Variants in SH3BP4 observed in about 807,000 individuals in gnomAD.
SH3BP4 encodes SH3 domain-binding protein 4.
Under a neutral mutation model 65.5 loss-of-function variants are expected in SH3BP4, and 33 were observed. The ratio of observed to expected loss-of-function variants is 0.50; its 90% confidence interval spans 0.38 to 0.67. SH3BP4 has a LOEUF of 0.67. Among genes scored for constraint, SH3BP4 ranks in the 30% least tolerant of loss-of-function variants. The probability of loss-of-function intolerance (pLI) is 0.00; values close to 1 mark genes in which losing one functional copy is unlikely to be tolerated. For synonymous variants in SH3BP4, 552 were observed against 545.5 expected (o/e 1.01, Z -0.17); for missense variants, 1,134 against 1,261.4 (o/e 0.90, Z 1.53).
At chr2:234,963,471 C>A (rs1184826714) in intron 1 of SH3BP4, among the ~76,000 whole-genome samples, 1 of 152,188 alleles carries the variant, frequency 6.6e-6, no homozygotes, top group Admixed American at 6.5e-5. Flanking sequence ...TTGTTCCCAT[C>A]CTTTTTGGGG....
At chr2:235,044,270 A>G (rs939902045) in intron 4 of SH3BP4, among the ~76,000 whole-genome samples, 4 of 152,258 alleles carry the variant, frequency 2.6e-5, no homozygotes, top group East Asian at 3.9e-4. Context: ...AAAAGGGGGA[A>G]GTAAGCATCA....
At chr2:234,971,877 C>T (rs150433339) in intron 1 of SH3BP4, among the ~76,000 whole-genome samples, 3,527 of 151,846 alleles carry the variant, frequency 0.023, 118 homozygotes, top group African/African-American at 0.08. Flanking sequence ...AGTGCAATGG[C>T]GTGATTTTGG....
At chr2:235,038,264 A>AG (rs1695461480) in intron 3 of SH3BP4, among the ~76,000 whole-genome samples, 2 of 31,202 alleles carry the variant, frequency 6.4e-5, no homozygotes, top group East Asian at 9.2e-3. Context: ...TATAATATAT[A>AG]TTATATATAA....
chr2:234,981,089 C>T (rs1693368418), intron 1 of SH3BP4, among the ~76,000 whole-genome samples: 1 of 152,192 alleles, frequency 6.6e-6, no homozygotes, highest in Non-Finnish European at 1.5e-5. Context: ...ATTGCAGACA[C>T]TGCATCCCGG....
intron 1 of SH3BP4, among the ~76,000 whole-genome samples, chr2:234,969,407 G>C (rs75930353): frequency 3.0e-3 from 463 of 152,274 alleles, no homozygotes; most frequent in Non-Finnish European, 4.7e-3. Flanking sequence ...CCCAGTGTGT[G>C]CTGGCTCTGA....
rs368190655 is a variant in SH3BP4, at chr2:235,045,544, C to T, written c.2478+2297C>T. ...AGGAGGAAGTGAAACTTGCCCTTGGCCAGGTCGGCTCCCTGAGGCAAGGTT... is the reference window on the plus strand; with the variant it reads ...AGGAGGAAGTGAAACTTGCCCTTGGTCAGGTCGGCTCCCTGAGGCAAGGTT... On this transcript the variant is annotated intron_variant, in intron 4 of 5. Coordinates refer to ENST00000392011, the MANE Select transcript of SH3BP4 (RefSeq NM_014521.3). This position sits in a 1 kb window ranked among gnomAD's most constrained non-coding sequence, Gnocchi z 4.3. Among the ~76,000 whole-genome samples the T allele has an allele frequency of 1.1e-3, 164 of 152,150 alleles. 2 individuals carry two copies. In the South Asian group the frequency reaches 0.011, roughly 10 times the overall value.
In SH3BP4 at chr2:235,043,238, G is replaced by A. The variant is rs1405480342; in HGVS notation, c.2469G>A (p.Glu823=). 6.4e-7 allele frequency: 1 copy of A among 1,568,946 alleles called. No individual in the cohort carries two copies. Reference sequence around the variant, plus strand: ...AAGAACGGAAGTCCTTCCAGAAGGAGCTTGTGATGGTGAGTGCTCAGCAGG... The same window carrying A: ...AAGAACGGAAGTCCTTCCAGAAGGAACTTGTGATGGTGAGTGCTCAGCAGG... ...ENKERKSFQK[E]LVMALLKMDC... is the part of the protein sequence containing the mutation. Residue 823 remains glutamate, a synonymous_variant, in exon 4 of 6, where the codon GAG becomes GAA. Coordinates refer to ENST00000392011, the MANE Select transcript of SH3BP4 (RefSeq NM_014521.3).
chr2:235,055,284 C>G lies in SH3BP4; in HGVS notation c.*1468C>G, dbSNP rs1211018008. ...ACTGCTTTCTTGAAACATGTTACTT[C>G]CTTAGTATAATCAATGTATACTCCC... On this transcript the variant is annotated 3_prime_UTR_variant, in exon 6 of 6. Coordinates refer to ENST00000392011, the MANE Select transcript of SH3BP4 (RefSeq NM_014521.3). 1 of 152,414 alleles carries G rather than the reference C, an allele frequency of 6.6e-6. No individual in the cohort carries two copies. Among genetic ancestry groups the G allele is most frequent in the African/African-American group, 2.4e-5 (1 of 41,442 alleles). 9.4% of individuals were successfully genotyped at this position (152,414 alleles called of 1,614,324 possible). A position where few individuals can be genotyped will look rare whatever the true frequency, so the allele number is the denominator to read the frequency against.
chr2:235,028,630 T>C (rs13414658), intron 2 of SH3BP4, among the ~76,000 whole-genome samples: 51,755 of 151,988 alleles, frequency 0.34, 10,152 homozygotes, highest in African/African-American at 0.54. Flanking sequence ...ACAGATGGTC[T>C]TATGTCCTGG....
At chr2:234,989,797 A>C (rs1693693687) in intron 1 of SH3BP4, among the ~76,000 whole-genome samples, 2 of 152,136 alleles carry the variant, frequency 1.3e-5, no homozygotes, top group South Asian at 4.1e-4. Context: ...TTCTTTGTTC[A>C]TGGGCCATAC....
At position 235,044,208 on chromosome 2, in the gene SH3BP4, G is replaced by A. The variant is rs557689730; in HGVS notation, c.2478+961G>A. On this transcript the variant is annotated intron_variant, in intron 4 of 5. Transcript: ENST00000392011. ...CCTCTGTGTTGGTTTGAGTTGGGGC[G>A]AGGACAGCATTTGTTTTGCCAGCAC... Among the ~76,000 whole-genome samples the A allele has an allele frequency of 4.0e-4, 61 of 152,328 alleles. No individual in the cohort carries two copies. In the Middle Eastern group the frequency reaches 0.02, roughly 51 times the overall value.
At position 235,046,875 on chromosome 2, in the gene SH3BP4, G is replaced by A. The variant is rs529716990; in HGVS notation, c.2478+3628G>A. Among the ~76,000 whole-genome samples, 3 of 152,154 alleles carry A rather than the reference G, an allele frequency of 2.0e-5. No homozygotes were observed. The highest frequency in any genetic ancestry group is 1.9e-4 in the East Asian group (1 of 5,156). ...CATTTCCTCTTTCCATTCTTTTTGTGCCTGTTTTTGATAGAGTCCGTGTGT... is the reference window on the plus strand; with the variant it reads ...CATTTCCTCTTTCCATTCTTTTTGTACCTGTTTTTGATAGAGTCCGTGTGT... On this transcript the variant is annotated intron_variant, in intron 4 of 5. Coordinates refer to ENST00000392011, the MANE Select transcript of SH3BP4 (RefSeq NM_014521.3). The surrounding 1 kb of genome is among the most constrained non-coding windows in gnomAD (Gnocchi z 4.2).
intron 1 of SH3BP4, among the ~76,000 whole-genome samples, chr2:234,980,923 T>C (rs1176581733): frequency 6.6e-6 from 1 of 152,188 alleles, no homozygotes; most frequent in Non-Finnish European, 1.5e-5. Flanking sequence ...AGGGTCTCAC[T>C]GTGTCGCCCA....
Position 235,041,291 on chromosome 2 carries a change from C to A in SH3BP4, c.522C>A (p.Asn174Lys). Residue 174 changes from asparagine to lysine, a missense_variant, in exon 4 of 6, where the codon AAC becomes AAA. Asn to Lys is a moderately conservative substitution (Grantham distance 94). Transcript: ENST00000392011. This position sits in a 1 kb window ranked among gnomAD's most constrained non-coding sequence, Gnocchi z 6.0. ...GVQTNPFLNG[N>K]VPVMPSLDEL... ...AGACCAATCCATTTCTGAATGGGAA[C>A]GTGCCCGTCATGCCCAGCCTGGATG... The A allele has an allele frequency of 6.2e-7, 1 of 1,614,166 alleles. No individual in the cohort carries two copies. The highest frequency in any genetic ancestry group is 8.5e-7 in the Non-Finnish European group (1 of 1,180,032).
intron 2 of SH3BP4, among the ~76,000 whole-genome samples, chr2:235,013,850 A>C (rs1040962642): frequency 6.6e-6 from 1 of 152,156 alleles, no homozygotes; most frequent in African/African-American, 2.4e-5. Context: ...TCACCTGGTG[A>C]GTAAGCGGAG....
intron 1 of SH3BP4, among the ~76,000 whole-genome samples, chr2:234,970,177 G>A (rs551721262): frequency 1.8e-4 from 27 of 152,092 alleles, no homozygotes; most frequent in Non-Finnish European, 3.7e-4. Context: ...TTTCTAGAGC[G>A]CTTCTGCTTT....
Position 235,042,171 on chromosome 2 carries a change from G to C in SH3BP4, c.1402G>C (p.Asp468His). 6.2e-7 allele frequency: 1 copy of C among 1,614,028 alleles called. No individual in the cohort carries two copies. Among genetic ancestry groups the C allele is most frequent in the South Asian group, 1.1e-5 (1 of 91,062 alleles). Reference protein sequence around the residue: ...PSILYPSTVWDFINKKVTVGL... With the variant: ...PSILYPSTVWHFINKKVTVGL... The stretch of plus-strand genomic sequence containing the variant: ...CATCCTCTACCCTTCCACCGTGTGG[G>C]ACTTCATCAATAAAAAAGTCACAGT... Residue 468 changes from aspartate (D) to histidine (H), a missense_variant, in exon 4 of 6, where the codon GAC becomes CAC. Coordinates refer to ENST00000392011, the MANE Select transcript of SH3BP4 (RefSeq NM_014521.3). The surrounding 1 kb of genome is among the most constrained non-coding windows in gnomAD (Gnocchi z 7.3).
intron 1 of SH3BP4, among the ~76,000 whole-genome samples, chr2:234,966,076 TC>T (rs1692828666): frequency 6.6e-6 from 1 of 152,036 alleles, no homozygotes; most frequent in South Asian, 2.1e-4. Context: ...AAAGTAAACT[TC>T]GGGAGAAAGA....
Position 234,974,239 on chromosome 2 carries a change from C to G in SH3BP4, c.-206-21064C>G, listed in dbSNP as rs1574782350. ...AATTAGCCGGGCATGGTGGCGCACA[C>G]CTGTAATCCCAACTACTCAGGAGGC... On this transcript the variant is annotated intron_variant, in intron 1 of 5. Coordinates refer to ENST00000392011, the MANE Select transcript of SH3BP4 (RefSeq NM_014521.3). This position sits in a 1 kb window ranked among gnomAD's most constrained non-coding sequence, Gnocchi z 4.6. Among the ~76,000 whole-genome samples the G allele has an allele frequency of 6.6e-6, 1 of 152,082 alleles. No homozygotes were observed. Among genetic ancestry groups the G allele is most frequent in the Non-Finnish European group, 1.5e-5 (1 of 68,026 alleles).
Sources: allele counts gnomAD v4.1 joint callset (sites outside exome capture counted in the v4.1 genomes callset), GRCh38; gene constraint gnomAD v4.1.1; non-coding constraint Gnocchi (gnomAD v3.1); transcripts MANE v1.5; gene names NCBI Gene and HGNC (gene_info 2026-07-23, HGNC 2026-07-21).